The following PARD3 variants were observed in gnomAD, a reference collection of about 807,000 sequenced individuals.
The protein encoded by PARD3 is par-3 family cell polarity regulator.
PARD3 carries 75 observed loss-of-function variants against 155.4 expected under a neutral mutation model. That is an observed-to-expected ratio of 0.48 (90% CI 0.40 to 0.58). The LOEUF is 0.58. PARD3 is among the 20% of genes least tolerant of loss of function. The pLI, the probability that PARD3 is intolerant of heterozygous loss-of-function variation, is 0.00. For missense variants in PARD3, 1,642 were observed against 1,721.7 expected (o/e 0.95, Z 0.82); for synonymous variants, 576 against 610.5 (o/e 0.94, Z 0.83).
intron 1 of PARD3, among the ~76,000 whole-genome samples, chr10:34,709,130 G>T (rs1175331531): frequency 4.6e-5 from 7 of 151,984 alleles, no homozygotes. Context: ...TCAGATTTTG[G>T]AATATTTACA....
At chr10:34,509,310 T>G (rs2081267486) in intron 3 of PARD3, among the ~76,000 whole-genome samples, 2 of 152,004 alleles carry the variant, frequency 1.3e-5, no homozygotes, top group African/African-American at 4.8e-5. Context: ...GTGTTCAATA[T>G]GCATCATTCC....
chr10:34,112,171 T>C (rs1946417426), intron 24 of PARD3, among the ~76,000 whole-genome samples: 2 of 152,214 alleles, frequency 1.3e-5, no homozygotes, highest in African/African-American at 4.8e-5. Flanking sequence ...CAACTTACAC[T>C]CTCCGGGATA....
At chr10:34,604,609 A>G (rs963466610) in intron 2 of PARD3, among the ~76,000 whole-genome samples, 3 of 148,236 alleles carry the variant, frequency 2.0e-5, no homozygotes, top group East Asian at 1.9e-4. Flanking sequence ...ATATAAAGAT[A>G]TATATGATAC....
At chr10:34,756,390 T>G (rs567499077) in intron 1 of PARD3, among the ~76,000 whole-genome samples, 1 of 147,196 alleles carries the variant, frequency 6.8e-6, no homozygotes, top group African/African-American at 2.5e-5. Flanking sequence ...CCTGACCTCA[T>G]GATCTGCCCG....
At chr10:34,177,551 G>A (rs1046327059) in intron 22 of PARD3, among the ~76,000 whole-genome samples, 1 of 152,292 alleles carries the variant, frequency 6.6e-6, no homozygotes, top group South Asian at 2.1e-4. Context: ...CGTTCTCTCC[G>A]ATTTGGTCTG....
intron 22 of PARD3, among the ~76,000 whole-genome samples, chr10:34,180,480 C>T (rs886873356): frequency 6.6e-6 from 1 of 152,138 alleles, no homozygotes; most frequent in African/African-American, 2.4e-5. Flanking sequence ...AGGAAGGAGT[C>T]TCTCTTGAGT....
chr10:34,659,909 C>T (rs2093278432), intron 2 of PARD3, among the ~76,000 whole-genome samples: 1 of 152,134 alleles, frequency 6.6e-6, no homozygotes, highest in African/African-American at 2.4e-5. Context: ...GCATTTTCTT[C>T]CCTAGAAATA....
chr10:34,249,051 A>AGT (rs201557014), intron 22 of PARD3, among the ~76,000 whole-genome samples: 5,358 of 152,302 alleles, frequency 0.035, 131 homozygotes, highest in Non-Finnish European at 0.052. Context: ...TGTTTGAAAC[A>AGT]GAAATCTAGT....
chr10:34,473,508 G>A (rs762806752), intron 3 of PARD3, among the ~76,000 whole-genome samples: 4 of 149,226 alleles, frequency 2.7e-5, no homozygotes, highest in Non-Finnish European at 5.9e-5. Context: ...GCAACACAGT[G>A]AGATCCTGTC....
intron 2 of PARD3, among the ~76,000 whole-genome samples, chr10:34,523,292 C>T (rs2082265912): frequency 6.6e-6 from 1 of 152,190 alleles, no homozygotes; most frequent in African/African-American, 2.4e-5. Flanking sequence ...TAATGTGACA[C>T]CCTGTGAGCA....
At chr10:34,545,024 A>G (rs1324602123) in intron 2 of PARD3, among the ~76,000 whole-genome samples, 1 of 152,208 alleles carries the variant, frequency 6.6e-6, no homozygotes, top group Non-Finnish European at 1.5e-5. Context: ...TTAGGAAAAA[A>G]GGGGTTCTGT....
At chr10:34,197,628 G>T (rs1225797033) in intron 22 of PARD3, among the ~76,000 whole-genome samples, 2 of 152,118 alleles carry the variant, frequency 1.3e-5, no homozygotes, top group African/African-American at 4.8e-5. Flanking sequence ...AGGCCTCCAG[G>T]TTACCTTAAA....
At chr10:34,787,774 CT>C (rs879835386) in intron 1 of PARD3, among the ~76,000 whole-genome samples, 3,215 of 139,896 alleles carry the variant, frequency 0.023, 25 homozygotes, top group South Asian at 0.034. Flanking sequence ...AACCAACATC[CT>C]TTTTTTTTTT....
intron 2 of PARD3, among the ~76,000 whole-genome samples, chr10:34,666,686 A>G (rs777000700): frequency 4.0e-5 from 6 of 149,364 alleles, no homozygotes; most frequent in African/African-American, 9.9e-5. Context: ...TGAAGCCTTC[A>G]GTTTTCAATC....
intron 1 of PARD3, among the ~76,000 whole-genome samples, chr10:34,706,291 G>A (rs1393438410): frequency 6.6e-6 from 1 of 152,150 alleles, no homozygotes; most frequent in African/African-American, 2.4e-5. Context: ...ATAAATGCTG[G>A]CAGCCAGGAC....
chr10:34,530,437 T>C (rs1374087891), intron 2 of PARD3, among the ~76,000 whole-genome samples: 1 of 152,226 alleles, frequency 6.6e-6, no homozygotes, highest in Non-Finnish European at 1.5e-5. Flanking sequence ...TTCTTCCTCA[T>C]GATCAGGCAC....
chr10:34,775,672 A>G lies in PARD3; in HGVS notation c.120+39204T>C, dbSNP rs181646243. Among the ~76,000 whole-genome samples, 134 of 152,364 alleles carry G rather than the reference A, an allele frequency of 8.8e-4. 1 individual carries two copies. The highest frequency in any genetic ancestry group is 1.8e-3 in the Non-Finnish European group (121 of 68,034). On this transcript the variant is annotated intron_variant, in intron 1 of 24. Coordinates refer to ENST00000374788, the MANE Select transcript of PARD3 (RefSeq NM_001184785.2). The stretch of plus-strand genomic sequence containing the variant: ...AAATTTGGGTGCAAATATAAAGGAA[A>G]GCAAAGTAGATGAAGTATTGCTATG...
chr10:34,250,275 C>G (rs551478434), intron 22 of PARD3, among the ~76,000 whole-genome samples: 2 of 152,108 alleles, frequency 1.3e-5, no homozygotes, highest in African/African-American at 4.8e-5. Flanking sequence ...AATAGTGTCT[C>G]AGAGATGAAA....
chr10:34,383,396 C>T (rs1288306202), intron 8 of PARD3, among the ~76,000 whole-genome samples: 1 of 149,502 alleles, frequency 6.7e-6, no homozygotes, highest in Non-Finnish European at 1.5e-5. Context: ...AAAATACACA[C>T]ACACACACAC....
Sources: gnomAD v4.1 joint callset for allele counts (sites outside exome capture counted in the v4.1 genomes callset) on GRCh38, gnomAD v4.1.1 for gene constraint, MANE v1.5 for transcripts, NCBI Gene and HGNC (gene_info 2026-07-23, HGNC 2026-07-21) for gene names.